The following AMN1 variants were observed in gnomAD, a reference collection of about 807,000 sequenced individuals.
AMN1 encodes antagonist of mitotic exit network 1 homolog, also known as protein AMN1 homolog.
A neutral mutation model predicts 33.0 loss-of-function variants in AMN1; 20 were observed. That is an observed-to-expected ratio of 0.61 (90% confidence interval 0.43 to 0.88). The LOEUF is 0.88. Among genes scored for constraint, AMN1 ranks in the 40% least tolerant of loss-of-function variants. The pLI, the probability that AMN1 is intolerant of heterozygous loss-of-function variation, is 0.00. For missense variants in AMN1, 246 were observed against 307.4 expected, an observed-to-expected ratio of 0.80 and a Z score of 1.49; for synonymous variants, 114 against 111.9, an observed-to-expected ratio of 1.02 and a Z score of -0.12.
At chr12:31,703,089 C>T (rs1444761707) in intron 2 of AMN1, among the ~76,000 whole-genome samples, 1 of 152,148 alleles carries the variant, frequency 6.6e-6, no homozygotes, top group East Asian at 1.9e-4. Flanking sequence ...GCCCACCACC[C>T]CACTGCCCGC....
chr12:31,728,724 G>A (rs1408174364), intron 1 of AMN1, among the ~76,000 whole-genome samples: 6 of 152,238 alleles, frequency 3.9e-5, no homozygotes, highest in African/African-American at 1.4e-4. Context: ...AAGGCTGACG[G>A]AGGAATGGAC....
chr12:31,711,937 A>G (rs916305768), intron 1 of AMN1, among the ~76,000 whole-genome samples: 2 of 152,078 alleles, frequency 1.3e-5, no homozygotes, highest in Admixed American at 6.6e-5. Context: ...TAGTTCCCAC[A>G]TATGAATGAG....
At chr12:31,676,806 T>C (rs61930411) in intron 6 of AMN1, among the ~76,000 whole-genome samples, 1 of 151,810 alleles carries the variant, frequency 6.6e-6, no homozygotes, top group Non-Finnish European at 1.5e-5. Flanking sequence ...GCATGTAACA[T>C]TTTTATGTAA....
chr12:31,690,959 C>T (rs1354682511), intron 5 of AMN1, among the ~76,000 whole-genome samples: 2 of 151,540 alleles, frequency 1.3e-5, no homozygotes, highest in African/African-American at 4.8e-5. Flanking sequence ...CATGGTGAAA[C>T]CCCCCGTCTC....
rs35548973 is a variant in AMN1 at position 31,683,406 on chromosome 12, C to T, written c.703+5601G>A. Among the ~76,000 whole-genome samples the T allele has an allele frequency of 0.018, 2,742 of 152,286 alleles. 73 individuals are homozygous for T. The highest frequency in any genetic ancestry group is 0.062 in the African/African-American group (2,591 of 41,534). ...GTTGTGAACTGAACTAGTTACTTTT[C>T]TCATGGAACACCATTTTTACTTTTT... On this transcript the variant is annotated intron_variant, in intron 6 of 6. Transcript: ENST00000281471. The surrounding 1 kb of genome is among the most constrained non-coding windows in gnomAD (Gnocchi z 4.1).
At position 31,698,428 on chromosome 12, in the gene AMN1, G is replaced by A. The variant is rs144828062; in HGVS notation, c.317-471C>T. On this transcript the variant is annotated intron_variant, in intron 3 of 6. Transcript: ENST00000281471. ...TAGCTATGCCTATGTGTTCTCTCTC[G>A]CTCCACTTTGACTCTGTTCTCAAAA... 5.3e-5 allele frequency among the ~76,000 whole-genome samples: 8 copies of A among 152,216 alleles called. No individual in the cohort carries two copies. The East Asian group carries it at 7.7e-4, about 15-fold the overall frequency.
rs552174033 is a variant in AMN1, at chr12:31,693,267, C to T, written c.591+4094G>A. ...TAATTTTTTTTTTGAGATGGAGTTTCGCTCTTGTTGCCCAGGCTGGAGTGC... is the reference window on the plus strand; with the variant it reads ...TAATTTTTTTTTTGAGATGGAGTTTTGCTCTTGTTGCCCAGGCTGGAGTGC... On this transcript the variant is annotated intron_variant, in intron 5 of 6. Coordinates refer to ENST00000281471, the MANE Select transcript of AMN1 (RefSeq NM_001113402.2). 1.1e-4 allele frequency among the ~76,000 whole-genome samples: 16 copies of T among 151,762 alleles called. No individual in the cohort carries two copies. The South Asian group carries it at 1.7e-3, about 16-fold the overall frequency.
intron 5 of AMN1, among the ~76,000 whole-genome samples, chr12:31,694,560 C>A (rs561429235): frequency 3.2e-4 from 48 of 151,918 alleles, no homozygotes; most frequent in African/African-American, 1.1e-3. Flanking sequence ...TCATCCTGGG[C>A]AACATGGCAA....
rs78429462 is a variant in AMN1, at chr12:31,685,349, T to C, written c.703+3658A>G. ...TGGCCTATAATGGTATTTTAATTTG[T>C]ATGTTGAACAAAGATGGCTCTTAAG... On this transcript the variant is annotated intron_variant, in intron 6 of 6. Coordinates refer to ENST00000281471, the MANE Select transcript of AMN1 (RefSeq NM_001113402.2). Among the ~76,000 whole-genome samples the C allele has an allele frequency of 8.3e-3, 1,270 of 152,290 alleles. 17 individuals carry two copies. Among genetic ancestry groups the C allele is most frequent in the African/African-American group, 0.029 (1,198 of 41,556 alleles).
rs2139687405 is a variant in AMN1 at position 31,697,895 on chromosome 12, T to C, written c.379A>G (p.Asn127Asp). The change falls in exon 4 of 7, where the codon AAT becomes GAT. Residue 127 changes from asparagine (N) to aspartate (D), a missense_variant. Asn to Asp is a conservative substitution (Grantham distance 23). Coordinates refer to ENST00000281471, the MANE Select transcript of AMN1 (RefSeq NM_001113402.2). ...LHEASLKRCC[N>D]LTDEGVVALA... ...GCAACGACTCCTTCGTCAGTGAGAT[T>C]GCAGCATCTTTTCAAAGAAGCTTCG... 3 of 1,614,042 alleles carry C rather than the reference T, an allele frequency of 1.9e-6. No individual in the cohort carries two copies. The East Asian group carries it at 6.7e-5, about 36-fold the overall frequency.
At chr12:31,704,273 A>G (rs1203106946) in intron 2 of AMN1, among the ~76,000 whole-genome samples, 1 of 152,150 alleles carries the variant, frequency 6.6e-6, no homozygotes, top group Non-Finnish European at 1.5e-5. Context: ...CCAAACTGAA[A>G]GGCAAACTGT....
intron 1 of AMN1, 127 bp downstream of exon 1, chr12:31,728,844 C>T (rs1940186676): frequency 2.8e-6 from 3 of 1,086,728 alleles, no homozygotes; most frequent in Admixed American, 2.6e-5. Context: ...CAGAAACACA[C>T]GCGGGGCCTC....
intron 6 of AMN1, among the ~76,000 whole-genome samples, chr12:31,686,623 T>C (rs1938274499): frequency 6.6e-6 from 1 of 152,180 alleles, no homozygotes; most frequent in African/African-American, 2.4e-5. Flanking sequence ...TCAGAACACT[T>C]AAATTAGCCT....
intron 3 of AMN1, 30 bp downstream of exon 3, chr12:31,701,833 T>C: frequency 6.5e-7 from 1 of 1,543,958 alleles, no homozygotes; most frequent in Non-Finnish European, 8.7e-7. Context: ...AATAGTAATC[T>C]ACCAATGTAC....
chr12:31,713,889 T>C (rs1323958907), intron 1 of AMN1, among the ~76,000 whole-genome samples: 7 of 152,060 alleles, frequency 4.6e-5, no homozygotes, highest in Non-Finnish European at 1.0e-4. Context: ...TTAAAGCCAC[T>C]TTTATATACT....
chr12:31,714,881 C>T, intron 1 of AMN1: 1 of 979,722 alleles, frequency 1.0e-6, no homozygotes, highest in Non-Finnish European at 1.2e-6. Flanking sequence ...TAACTTATTA[C>T]CTGAACAGAA....
intron 6 of AMN1, among the ~76,000 whole-genome samples, chr12:31,677,193 G>A (rs1049399989): frequency 6.6e-6 from 1 of 152,240 alleles, no homozygotes; most frequent in African/African-American, 2.4e-5. Context: ...CCAACTACTC[G>A]GGAGGCTGAG....
At position 31,683,756 on chromosome 12, in the gene AMN1, C is replaced by T. The variant is rs1049022144; in HGVS notation, c.703+5251G>A. Among the ~76,000 whole-genome samples the T allele has an allele frequency of 2.6e-4, 39 of 152,150 alleles. No individual in the cohort carries two copies. Among genetic ancestry groups the T allele is most frequent in the Admixed American group, 9.8e-4 (15 of 15,262 alleles). The stretch of plus-strand genomic sequence containing the variant: ...TAAACCTCTTTTTCTTTATAAGTTA[C>T]CCAGTCTTGGGTATGTCTGTATCAG... On this transcript the variant is annotated intron_variant, in intron 6 of 6. Coordinates refer to ENST00000281471, the MANE Select transcript of AMN1 (RefSeq NM_001113402.2). This position sits in a 1 kb window ranked among gnomAD's most constrained non-coding sequence, Gnocchi z 4.1.
At position 31,702,011 on chromosome 12, in the gene AMN1, T is replaced by A; in HGVS notation, c.172-4A>T. 6.3e-7 allele frequency: 1 copy of A among 1,583,540 alleles called. No individual in the cohort carries two copies. Among genetic ancestry groups the A allele is most frequent in the South Asian group, 1.2e-5 (1 of 84,398 alleles). On this transcript the variant is annotated splice_polypyrimidine_tract_variant and splice_region_variant and intron_variant, in intron 2 of 6. Coordinates refer to ENST00000281471, the MANE Select transcript of AMN1 (RefSeq NM_001113402.2). ...TTTGGACTTCAGGATGTAAAATCTA[T>A]AACAAATAAGTGATTTTGAAAAAAT...
Sources: allele counts gnomAD v4.1 joint callset (sites outside exome capture counted in the v4.1 genomes callset), GRCh38; gene constraint gnomAD v4.1.1; non-coding constraint Gnocchi (gnomAD v3.1); transcripts MANE v1.5; gene names NCBI Gene and HGNC (gene_info 2026-07-23, HGNC 2026-07-21).